PDZD2: variants seen among roughly 807,000 people sequenced by gnomAD.
The protein encoded by PDZD2 is PDZ domain-containing protein 2.
A neutral mutation model predicts 220.7 loss-of-function variants in PDZD2; 90 were observed. The ratio of observed to expected loss-of-function variants is 0.41; its 90% CI spans 0.34 to 0.49. The LOEUF (loss-of-function observed/expected upper bound fraction) is 0.49, where lower values mean the gene tolerates loss of function less well. Ranked by LOEUF, PDZD2 falls within the 20% of genes least tolerant of loss-of-function variation. The pLI, the probability that PDZD2 is intolerant of heterozygous loss-of-function variation, is 0.28. For missense variants in PDZD2, 3,174 were observed against 3,608.5 expected (o/e 0.88, Z 3.08); for synonymous variants, 1,375 against 1,450.5 (o/e 0.95, Z 1.18).
intron 6 of PDZD2, among the ~76,000 whole-genome samples, chr5:32,030,498 G>A (rs1372243346): frequency 6.6e-6 from 1 of 152,212 alleles, no homozygotes; most frequent in African/African-American, 2.4e-5. Flanking sequence ...AGACTTAATT[G>A]AGTTTCCTTT....
At chr5:31,975,024 T>C (rs553071734) in intron 2 of PDZD2, among the ~76,000 whole-genome samples, 2 of 152,350 alleles carry the variant, frequency 1.3e-5, no homozygotes, top group African/African-American at 4.8e-5. Flanking sequence ...GAATAAATAT[T>C]TACCCTAATT....
intron 2 of PDZD2, among the ~76,000 whole-genome samples, chr5:31,931,181 C>A (rs1745256891): frequency 6.6e-6 from 1 of 152,146 alleles, no homozygotes; most frequent in South Asian, 2.1e-4. Context: ...TACCACCACA[C>A]CTGGCTAATT....
chr5:31,808,503 C>A (rs550862042), intron 2 of PDZD2, among the ~76,000 whole-genome samples: 36 of 152,248 alleles, frequency 2.4e-4, no homozygotes, highest in African/African-American at 8.7e-4. Flanking sequence ...CACTCCAGGA[C>A]TTGGTTTCTG....
chr5:32,012,327 CG>C, intron 6 of PDZD2, among the ~76,000 whole-genome samples: 1 of 152,252 alleles, frequency 6.6e-6, no homozygotes, highest in East Asian at 1.9e-4. Flanking sequence ...AAGCCATTGA[CG>C]GAGCATAACA....
intron 5 of PDZD2, among the ~76,000 whole-genome samples, chr5:32,005,789 A>G (rs1752753059): frequency 1.3e-5 from 2 of 152,082 alleles, no homozygotes; most frequent in Admixed American, 6.6e-5. Context: ...CTAATTCTCC[A>G]TTTTCTTCCC....
chr5:31,809,609 A>C (rs1417094178), intron 2 of PDZD2, among the ~76,000 whole-genome samples: 1 of 152,204 alleles, frequency 6.6e-6, no homozygotes, highest in Non-Finnish European at 1.5e-5. Context: ...TGGAATCAGA[A>C]GCCTTTTAAG....
chr5:32,037,392 C>T (rs1455370764), intron 7 of PDZD2, 50 bp downstream of exon 7: 2 of 1,059,080 alleles, frequency 1.9e-6, no homozygotes, highest in Non-Finnish European at 2.9e-6. Flanking sequence ...AGTTTTCAGC[C>T]TCAGGAGCAG....
chr5:31,782,857 G>A (rs1431711208), intron 1 of PDZD2, among the ~76,000 whole-genome samples: 1 of 151,784 alleles, frequency 6.6e-6, no homozygotes, highest in East Asian at 1.9e-4. Context: ...GTGATTACAG[G>A]TGCCCGCCAC....
At chr5:31,705,399 G>C (rs1747779705) in intron 1 of PDZD2, among the ~76,000 whole-genome samples, 2 of 152,094 alleles carry the variant, frequency 1.3e-5, no homozygotes, top group East Asian at 1.9e-4. Context: ...TGCATTTTCT[G>C]GTGCCATTAA....
At chr5:31,905,330 A>C (rs1473686916) in intron 2 of PDZD2, among the ~76,000 whole-genome samples, 1 of 152,188 alleles carries the variant, frequency 6.6e-6, no homozygotes, top group African/African-American at 2.4e-5. Flanking sequence ...TTAGTGGTTG[A>C]AGCAATGCAT....
At chr5:31,992,244 G>A (rs1038915623) in intron 3 of PDZD2, among the ~76,000 whole-genome samples, 1 of 152,092 alleles carries the variant, frequency 6.6e-6, no homozygotes, top group Non-Finnish European at 1.5e-5. Context: ...GAAAAAGAAG[G>A]TCTGTTTCTT....
At chr5:31,866,807 T>C (rs999665766) in intron 2 of PDZD2, among the ~76,000 whole-genome samples, 1 of 152,190 alleles carries the variant, frequency 6.6e-6, no homozygotes, top group African/African-American at 2.4e-5. Flanking sequence ...AGTTCATTCG[T>C]GCAGTAAGCA....
At chr5:31,702,369 G>A (rs762399371) in intron 1 of PDZD2, among the ~76,000 whole-genome samples, 7 of 152,216 alleles carry the variant, frequency 4.6e-5, no homozygotes, top group Non-Finnish European at 1.0e-4. Flanking sequence ...AGCTGGGTTT[G>A]ACATAGCAGG....
chr5:32,062,122 A>T (rs912592935), intron 14 of PDZD2, among the ~76,000 whole-genome samples: 1 of 152,198 alleles, frequency 6.6e-6, no homozygotes, highest in Admixed American at 6.5e-5. Flanking sequence ...TTCCTTCTTA[A>T]TGTTCATTTA....
chr5:31,778,680 A>C (rs905756616), intron 1 of PDZD2, among the ~76,000 whole-genome samples: 2 of 152,098 alleles, frequency 1.3e-5, no homozygotes, highest in Admixed American at 6.5e-5. Context: ...GAACTTTAAC[A>C]CTCACCGGGA....
chr5:31,742,285 C>T (rs1159911285), intron 1 of PDZD2: 1 of 152,066 alleles, frequency 6.6e-6, no homozygotes, highest in Admixed American at 6.5e-5. Context: ...CTTGGAAGCA[C>T]GTGGGCTGAG....
intron 2 of PDZD2, among the ~76,000 whole-genome samples, chr5:31,946,456 T>C (rs890634328): frequency 6.6e-6 from 1 of 152,038 alleles, no homozygotes. Flanking sequence ...CTGGGTGGGG[T>C]CTAGAGTCAT....
chr5:31,898,808 C>CTTTTTTTTTTTTTTTTT, intron 2 of PDZD2, among the ~76,000 whole-genome samples: 267 of 123,364 alleles, frequency 2.2e-3, no homozygotes, highest in Non-Finnish European at 2.4e-3. Context: ...AGCCTCTCTT[C>CTTTTTTTTTTTTTTTTT]TTTTTTTTTT....
chr5:32,073,070 A>G (rs1380890687), intron 17 of PDZD2, among the ~76,000 whole-genome samples: 1 of 152,102 alleles, frequency 6.6e-6, no homozygotes, highest in Non-Finnish European at 1.5e-5. Flanking sequence ...TGAGATGATA[A>G]TCTGATATGA....
Sources: gnomAD v4.1 joint callset for allele counts (sites outside exome capture counted in the v4.1 genomes callset) on GRCh38, gnomAD v4.1.1 for gene constraint, MANE v1.5 for transcripts, NCBI Gene and HGNC (gene_info 2026-07-23, HGNC 2026-07-21) for gene names.